PHAX: variants seen among roughly 807,000 people sequenced by gnomAD.
PHAX encodes phosphorylated adapter RNA export protein.
A neutral mutation model predicts 41.6 loss-of-function variants in PHAX; 31 were observed. The observed-to-expected ratio is 0.75, with a 90% confidence interval of 0.56 to 1.01. The LOEUF is 1.01. Among genes scored for constraint, PHAX ranks in the 50% least tolerant of loss-of-function variants. The pLI, the probability that PHAX is intolerant of heterozygous loss-of-function variation, is 0.00. For synonymous variants in PHAX, 175 were observed against 164.9 expected, an observed-to-expected ratio of 1.06 and a Z score of -0.47; for missense variants, 453 against 472.9, an observed-to-expected ratio of 0.96 and a Z score of 0.39.
intron 4 of PHAX, among the ~76,000 whole-genome samples, chr5:126,621,051 A>G (rs1344664170): frequency 6.6e-6 from 1 of 151,304 alleles, no homozygotes; most frequent in African/African-American, 2.4e-5. Context: ...ATTCTTTTTA[A>G]AAAGAGACGG....
chr5:126,602,634 A>G (rs747662880), intron 1 of PHAX, among the ~76,000 whole-genome samples: 15 of 152,220 alleles, frequency 9.9e-5, no homozygotes, highest in African/African-American at 1.4e-4. Context: ...TTGTTTTTCA[A>G]TCTCAGGTTG....
At chr5:126,609,954 T>C (rs1335453294) in intron 3 of PHAX, among the ~76,000 whole-genome samples, 1 of 151,972 alleles carries the variant, frequency 6.6e-6, no homozygotes, top group Non-Finnish European at 1.5e-5. Flanking sequence ...CTAGGCTGGT[T>C]GAGAACTCCT....
intron 4 of PHAX, among the ~76,000 whole-genome samples, chr5:126,621,738 G>GA (rs1005228627): frequency 3.2e-4 from 47 of 145,058 alleles, no homozygotes; most frequent in African/African-American, 9.1e-4. Flanking sequence ...TTTGTTCAAA[G>GA]AAAAAAAAAA....
At chr5:126,604,999 A>T (rs1396420615) in intron 2 of PHAX, among the ~76,000 whole-genome samples, 1 of 151,404 alleles carries the variant, frequency 6.6e-6, no homozygotes, top group East Asian at 1.9e-4. Context: ...GTGCCACTGC[A>T]CTCCAGCCTG....
Position 126,608,437 on chromosome 5 carries a change from C to A in PHAX, c.784C>A (p.Leu262Met). The A allele has an allele frequency of 6.2e-7, 1 of 1,613,984 alleles. No homozygotes were observed. The highest frequency in any genetic ancestry group is 8.5e-7 in the Non-Finnish European group (1 of 1,179,896). ...IIGNKKAIEL[L>M]METAEVEQNG... ...TGGTAACAAAAAGGCAATTGAACTT[C>A]TGATGGAAACCGCTGAAGTTGAACA... Residue 262 changes from leucine (L) to methionine (M), a missense_variant, in exon 3 of 5, where the codon CTG becomes ATG. Leu to Met is a conservative substitution (Grantham distance 15). Coordinates refer to ENST00000297540, the MANE Select transcript of PHAX (RefSeq NM_032177.4).
chr5:126,603,992 G>A lies in PHAX; in HGVS notation c.519G>A (p.Lys173=). ...ESQEHTKDLD[K]ELDEYMHGGK... ...AAGAGCATACAAAAGATCTAGACAA[G>A]GAACTAGATGAATATATGCATGGTG... The change falls in exon 2 of 5, where the codon AAG becomes AAA. Residue 173 remains lysine, a synonymous_variant. Transcript: ENST00000297540. 1 of 1,613,810 alleles carries A rather than the reference G, an allele frequency of 6.2e-7. No homozygotes were observed. The highest frequency in any genetic ancestry group is 1.1e-5 in the South Asian group (1 of 91,058).
rs140513963 is a variant in PHAX, at chr5:126,624,405, A to G, written c.916-170A>G. On this transcript the variant is annotated intron_variant, in intron 4 of 4. Coordinates refer to ENST00000297540, the MANE Select transcript of PHAX (RefSeq NM_032177.4). ...CTAGGCTGGGTTTAAATCAGTTTCA[A>G]TCTTGCAATGAGTACTTACTTAATA... Among the ~76,000 whole-genome samples, 274 of 152,290 alleles carry G rather than the reference A, an allele frequency of 1.8e-3. 1 individual carries two copies. The highest frequency in any genetic ancestry group is 3.7e-3 in the South Asian group (18 of 4,830).
In PHAX at chr5:126,604,148, T is replaced by G. The variant is rs757837569; in HGVS notation, c.675T>G (p.Asp225Glu). The part of the protein sequence containing the change: ...YKGRYEITAE[D>E]SQEKVADEIS... Reference sequence around the variant, plus strand: ...GTCGATACGAGATCACAGCGGAAGATTCTCAAGAGAAAGTGGCTGATGAAA... The same window carrying G: ...GTCGATACGAGATCACAGCGGAAGAGTCTCAAGAGAAAGTGGCTGATGAAA... The change falls in exon 2 of 5, where the codon GAT becomes GAG. Residue 225 changes from aspartate to glutamate, a missense_variant. Physicochemically the swap from Asp to Glu is conservative, Grantham distance 45. Transcript: ENST00000297540. The G allele has an allele frequency of 1.0e-5, 16 of 1,547,008 alleles. No individual in the cohort carries two copies. Among genetic ancestry groups the G allele is most frequent in the Non-Finnish European group, 1.4e-5 (16 of 1,149,560 alleles).
chr5:126,601,129 A>G, intron 1 of PHAX, 71 bp downstream of exon 1: 2 of 1,112,976 alleles, frequency 1.8e-6, no homozygotes, highest in Non-Finnish European at 2.7e-6. Flanking sequence ...GCGCGCAGGC[A>G]GCGGTGAGGG....
rs979069772 is a variant in PHAX, at chr5:126,602,775, C to T, written c.97-795C>T. On this transcript the variant is annotated intron_variant, in intron 1 of 4. Coordinates refer to ENST00000297540, the MANE Select transcript of PHAX (RefSeq NM_032177.4). ...ATCCCAGCACTTTGGGAGGCCGAGG[C>T]GGGTGGATCACGAGGTCAGGAGATC... 3.9e-5 allele frequency among the ~76,000 whole-genome samples: 6 copies of T among 152,102 alleles called. No individual in the cohort carries two copies. In the East Asian group the frequency reaches 5.8e-4, roughly 15 times the overall value.
rs761999398 is a variant in PHAX at position 126,603,825 on chromosome 5, T to C, written c.352T>C (p.Trp118Arg). 2.5e-6 allele frequency: 4 copies of C among 1,613,906 alleles called. No homozygotes were observed. Among genetic ancestry groups the C allele is most frequent in the Non-Finnish European group, 2.5e-6 (3 of 1,180,010 alleles). Residue 118 changes from tryptophan (W) to arginine (R), a missense_variant, in exon 2 of 5, where the codon TGG becomes CGG. Transcript: ENST00000297540. ...TGGAGGAAAGAAGATTAACAACATA[T>C]GGGGTGCTGTGCTGCAGGAACAGAA... ...VAGGKKINNI[W>R]GAVLQEQNQD...
chr5:126,604,198 T>C lies in PHAX; in HGVS notation c.710+15T>C, dbSNP rs775353452. The C allele has an allele frequency of 6.6e-7, 1 of 1,514,036 alleles. No individual in the cohort carries two copies. Among genetic ancestry groups the C allele is most frequent in the African/African-American group, 1.4e-5 (1 of 71,312 alleles). The allele number at this position is 1,514,036 out of a possible 1,614,324, so 93.8% of individuals were successfully genotyped here. A position where few individuals can be genotyped will look rare whatever the true frequency, so the allele number is the denominator to read the frequency against. On this transcript the variant is annotated intron_variant, in intron 2 of 4. Transcript: ENST00000297540. ...ATTTCATTCAGGTGAGCATTTGAAT[T>C]ACAAATAAGTACTTGACCAGATGGC...
Position 126,604,274 on chromosome 5 carries a change from CTTTTTTT to C in PHAX, c.710+104_710+110del, listed in dbSNP as rs57270218. ...TGCCAAATACTTTAATGATATGTTCCTTTTTTTTTTTTTTTTTTTGGAGACAGGGTCT... is the reference window on the plus strand; with the variant it reads ...TGCCAAATACTTTAATGATATGTTCCTTTTTTTTTTTTGGAGACAGGGTCT... On this transcript the variant is annotated intron_variant, in intron 2 of 4. Transcript: ENST00000297540. The C allele has an allele frequency of 1.7e-4, 112 of 645,752 alleles. No individual in the cohort carries two copies. The South Asian group carries it at 2.5e-3, about 15-fold the overall frequency. 40.0% of individuals were successfully genotyped at this position (645,752 alleles called of 1,614,324 possible).
chr5:126,611,757 C>G (rs1752105345), intron 3 of PHAX, among the ~76,000 whole-genome samples: 2 of 150,378 alleles, frequency 1.3e-5, no homozygotes, highest in African/African-American at 4.9e-5. Context: ...TGCCACTGCG[C>G]TCCAGCTTGG....
intron 1 of PHAX, among the ~76,000 whole-genome samples, chr5:126,602,516 A>T (rs1751919914): frequency 6.6e-6 from 1 of 152,264 alleles, no homozygotes; most frequent in Non-Finnish European, 1.5e-5. Flanking sequence ...TTATTTGAAG[A>T]TAGGAAGATA....
At chr5:126,603,410 A>G (rs538995060) in intron 1 of PHAX, among the ~76,000 whole-genome samples, 160 bp from the exon 2 acceptor site, 1 of 152,344 alleles carries the variant, frequency 6.6e-6, no homozygotes, top group South Asian at 2.1e-4. Context: ...GGCAAATTCC[A>G]TGTGGAACTT....
intron 3 of PHAX, among the ~76,000 whole-genome samples, chr5:126,612,894 T>G (rs1407253817): frequency 2.0e-5 from 3 of 152,054 alleles, no homozygotes; most frequent in Admixed American, 6.6e-5. Context: ...GTGGATTAGA[T>G]GGAGGATGTA....
rs1208226236 is a variant in PHAX at position 126,604,025 on chromosome 5, A to G, written c.552A>G (p.Lys184=). ...ELDEYMHGGK[K]MGSKEEENGQ... is the part of the protein sequence containing the mutation. Reference sequence around the variant, plus strand: ...ATGAATATATGCATGGTGGCAAAAAAATGGGATCAAAGGAAGAGGAAAATG... The same window carrying G: ...ATGAATATATGCATGGTGGCAAAAAGATGGGATCAAAGGAAGAGGAAAATG... The change falls in exon 2 of 5, where the codon AAA becomes AAG. Residue 184 remains lysine (K), a synonymous_variant. Transcript: ENST00000297540. 6.2e-7 allele frequency: 1 copy of G among 1,613,936 alleles called. No homozygotes were observed. The highest frequency in any genetic ancestry group is 8.5e-7 in the Non-Finnish European group (1 of 1,180,032).
intron 1 of PHAX, among the ~76,000 whole-genome samples, chr5:126,601,300 C>G (rs985996828): frequency 1.3e-5 from 2 of 152,072 alleles, no homozygotes; most frequent in African/African-American, 4.8e-5. Context: ...AGCGGCTGGC[C>G]GTGCGAACCC....
Sources: gnomAD v4.1 joint callset for allele counts (sites outside exome capture counted in the v4.1 genomes callset) on GRCh38, gnomAD v4.1.1 for gene constraint, MANE v1.5 for transcripts, NCBI Gene and HGNC (gene_info 2026-07-23, HGNC 2026-07-21) for gene names.